The following RBM33 variants were observed in gnomAD, a reference collection of about 807,000 sequenced individuals.
The protein encoded by RBM33 is RNA-binding protein 33.
RBM33 carries 28 observed loss-of-function variants against 132.6 expected under a neutral mutation model. The ratio of observed to expected loss-of-function variants is 0.21; its 90% CI spans 0.16 to 0.29. RBM33 has a LOEUF of 0.29. Among genes scored for constraint, RBM33 ranks in the 10% least tolerant of loss-of-function variants. RBM33 has a pLI of 1.00. For missense variants in RBM33, 1,291 were observed against 1,518.5 expected (o/e 0.85, Z 2.49); for synonymous variants, 634 against 593.0 (o/e 1.07, Z -1.01).
At chr7:155,705,635 A>G (rs1050708585) in intron 6 of RBM33, among the ~76,000 whole-genome samples, 3 of 152,230 alleles carry the variant, frequency 2.0e-5, no homozygotes, top group Non-Finnish European at 2.9e-5. Context: ...GTGTCTTGGT[A>G]TAATGTACTC....
Position 155,777,883 on chromosome 7 carries a change from G to A in RBM33, c.*2842G>A, listed in dbSNP as rs75166995. On this transcript the variant is annotated 3_prime_UTR_variant, in exon 18 of 18. Coordinates refer to ENST00000401878, the MANE Select transcript of RBM33 (RefSeq NM_053043.3). ...CACAAATTCAAGAAGCTTAAAGGTC[G>A]TAAATATCAGTATCTCATAAGGTAA... 6.6e-3 allele frequency: 1,005 copies of A among 152,708 alleles called. 32 individuals are homozygous for A. In the East Asian group the frequency reaches 0.094, roughly 14 times the overall value. 9.5% of individuals were successfully genotyped at this position (152,708 alleles called of 1,614,324 possible).
intron 1 of RBM33, among the ~76,000 whole-genome samples, chr7:155,649,925 A>C: frequency 6.6e-6 from 1 of 152,240 alleles, no homozygotes; most frequent in East Asian, 1.9e-4. Flanking sequence ...AGCCAGAGGT[A>C]TAAATCTAGG....
At chr7:155,763,579 T>A (rs1240971137) in intron 14 of RBM33, among the ~76,000 whole-genome samples, 1 of 152,238 alleles carries the variant, frequency 6.6e-6, no homozygotes, top group East Asian at 1.9e-4. Flanking sequence ...ATGAATATAG[T>A]AATTAAAGGG....
chr7:155,757,085 A>C (rs1323053466), intron 14 of RBM33, among the ~76,000 whole-genome samples: 1 of 152,126 alleles, frequency 6.6e-6, no homozygotes, highest in East Asian at 1.9e-4. Context: ...GTGAAATGAA[A>C]ATTTTCTCAA....
intron 1 of RBM33, among the ~76,000 whole-genome samples, chr7:155,656,614 A>G (rs1798499184): frequency 6.6e-6 from 1 of 152,228 alleles, no homozygotes; most frequent in Admixed American, 6.5e-5. Context: ...GTATGTATAT[A>G]TCTCACAAGA....
intron 3 of RBM33, among the ~76,000 whole-genome samples, chr7:155,673,762 A>ACG (rs1563137987): frequency 0.023 from 530 of 23,168 alleles, 57 homozygotes; most frequent in African/African-American, 0.068. Flanking sequence ...ATACGCGCGC[A>ACG]TGCGCGCACA....
chr7:155,707,511 C>T, intron 7 of RBM33: 1 of 326,466 alleles, frequency 3.1e-6, no homozygotes, highest in South Asian at 2.5e-5. Context: ...GGCAGTTTCT[C>T]AGAATTATTA....
intron 1 of RBM33, among the ~76,000 whole-genome samples, chr7:155,661,093 GTGTGGT>G (rs1798628179): frequency 7.2e-6 from 1 of 138,160 alleles, no homozygotes; most frequent in Non-Finnish European, 1.5e-5. Context: ...CTGTGTGTGT[GTGTGGT>G]GTGTGTGTGT....
At chr7:155,697,971 T>C (rs550265791) in intron 5 of RBM33, among the ~76,000 whole-genome samples, 2 of 152,374 alleles carry the variant, frequency 1.3e-5, no homozygotes, top group East Asian at 1.9e-4. Context: ...TTTAAATGTT[T>C]ACACAACATA....
chr7:155,669,039 G>A (rs980678841), intron 2 of RBM33, among the ~76,000 whole-genome samples: 1 of 152,096 alleles, frequency 6.6e-6, no homozygotes, highest in Non-Finnish European at 1.5e-5. Context: ...GTTTGTGAAC[G>A]AGCTCTTTTT....
rs536838511 is a variant in RBM33, at chr7:155,669,153, A to G, written c.123-3714A>G. Reference sequence around the variant, plus strand: ...ACAGCCTCTCTGTGTGCTGCATGACACAGAGAGAGACACTTGGAAGGTGAG... The same window carrying G: ...ACAGCCTCTCTGTGTGCTGCATGACGCAGAGAGAGACACTTGGAAGGTGAG... On this transcript the variant is annotated intron_variant, in intron 2 of 17. Transcript: ENST00000401878. 2.4e-4 allele frequency among the ~76,000 whole-genome samples: 36 copies of G among 152,254 alleles called. No homozygotes were observed. The South Asian group carries it at 7.5e-3, about 32-fold the overall frequency.
intron 1 of RBM33, among the ~76,000 whole-genome samples, chr7:155,659,175 A>G (rs1355477681): frequency 6.6e-6 from 1 of 152,194 alleles, no homozygotes; most frequent in African/African-American, 2.4e-5. Flanking sequence ...ATCCAGTTTT[A>G]AATAGTAAAT....
intron 16 of RBM33, among the ~76,000 whole-genome samples, chr7:155,773,224 G>C (rs115088349): frequency 0.011 from 1,623 of 152,312 alleles, 23 homozygotes; most frequent in African/African-American, 0.037. Flanking sequence ...CTTCAGGACA[G>C]TGTTTGCTGG....
chr7:155,713,273 T>C (rs1800358810), intron 8 of RBM33, among the ~76,000 whole-genome samples: 1 of 152,006 alleles, frequency 6.6e-6, no homozygotes, highest in South Asian at 2.1e-4. Flanking sequence ...GAATTCAGTA[T>C]AGGGGTTTGG....
At chr7:155,768,526 G>C (rs1005787143) in intron 16 of RBM33, among the ~76,000 whole-genome samples, 30 of 152,234 alleles carry the variant, frequency 2.0e-4, no homozygotes, top group Non-Finnish European at 3.5e-4. Context: ...GTGTTCACTG[G>C]TGTAATGCCA....
intron 14 of RBM33, among the ~76,000 whole-genome samples, chr7:155,752,248 G>A (rs760426541): frequency 1.8e-4 from 27 of 152,166 alleles, no homozygotes; most frequent in Non-Finnish European, 3.1e-4. Flanking sequence ...AGATCTGGGA[G>A]CCAGTTGTGC....
chr7:155,679,611 G>A (rs1799282242), intron 4 of RBM33, among the ~76,000 whole-genome samples: 1 of 152,164 alleles, frequency 6.6e-6, no homozygotes, highest in Non-Finnish European at 1.5e-5. Context: ...ATTTATTATT[G>A]AGCCATGGAT....
chr7:155,709,482 T>C (rs1355681733), intron 7 of RBM33, among the ~76,000 whole-genome samples: 1 of 152,202 alleles, frequency 6.6e-6, no homozygotes, highest in Admixed American at 6.5e-5. Context: ...TGAGTCTTAG[T>C]CTCTAGCCTA....
rs202172900 is a variant in RBM33, at chr7:155,680,847, A to G, written c.506A>G (p.Glu169Gly). 6.2e-7 allele frequency: 1 copy of G among 1,613,892 alleles called. No individual in the cohort carries two copies. Among genetic ancestry groups the G allele is most frequent in the East Asian group, 2.2e-5 (1 of 44,868 alleles). The part of the protein sequence containing the change: ...QIEYVEEPEE[E>G]QLYTDEVLDI... ...GAATATGTGGAAGAGCCAGAGGAGG[A>G]GCAGCTTTACACTGATGAAGTGTTA... Residue 169 changes from glutamate (E) to glycine (G), a missense_variant, in exon 5 of 18, where the codon GAG (glutamate) becomes GGG (glycine). Physicochemically the swap from Glu to Gly is moderately conservative, Grantham distance 98 (BLOSUM62 -2). Around this residue, in one of 7 missense-constraint regions of RBM33, gnomAD observed 194 missense variants for 249.8 expected, o/e 0.78. Transcript: ENST00000401878.
Sources: gnomAD v4.1 joint callset for allele counts (sites outside exome capture counted in the v4.1 genomes callset) on GRCh38, gnomAD v4.1.1 for gene constraint, gnomAD v4.1.1 regional missense constraint, MANE v1.5 for transcripts, NCBI Gene and HGNC (gene_info 2026-07-23, HGNC 2026-07-21) for gene names.